CAMSAP1: variants seen among roughly 807,000 people sequenced by gnomAD.
CAMSAP1 encodes calmodulin-regulated spectrin-associated protein 1.
In CAMSAP1, 58 loss-of-function variants were observed where a neutral mutation model predicts 143.5. The observed-to-expected ratio is 0.40, with a 90% CI of 0.33 to 0.50. The LOEUF is 0.50. CAMSAP1 is among the 20% of genes least tolerant of loss of function. CAMSAP1 has a pLI of 0.45. For synonymous variants in CAMSAP1, 945 were observed against 859.3 expected (o/e 1.10, Z -1.74); for missense variants, 1,969 against 2,115.7 (o/e 0.93, Z 1.36).
chr9:135,848,202 T>C (rs1235671486), intron 7 of CAMSAP1, among the ~76,000 whole-genome samples: 1 of 150,834 alleles, frequency 6.6e-6, no homozygotes, highest in African/African-American at 2.4e-5. Flanking sequence ...AGAAGAAGAG[T>C]TGGGAAGGAA....
chr9:135,862,648 T>C (rs1318365038), intron 4 of CAMSAP1, 40 bp from the exon 5 acceptor site: 1 of 1,547,368 alleles, frequency 6.5e-7, no homozygotes, highest in Non-Finnish European at 8.7e-7. Flanking sequence ...GCATGTGATG[T>C]CTCTTCACTA....
intron 14 of CAMSAP1, 114 bp downstream of exon 14, chr9:135,817,863 T>C (rs1438196410): frequency 3.8e-5 from 30 of 790,696 alleles, no homozygotes; most frequent in Non-Finnish European, 5.9e-5. Flanking sequence ...AATGTGAAAT[T>C]ATATCAAAAT....
chr9:135,847,847 G>GA (rs1308795029), intron 7 of CAMSAP1, among the ~76,000 whole-genome samples: 2 of 23,448 alleles, frequency 8.5e-5, no homozygotes, highest in South Asian at 1.5e-3. Flanking sequence ...CAGGGAAGGG[G>GA]AGGGGAGTGG....
intron 14 of CAMSAP1, among the ~76,000 whole-genome samples, chr9:135,816,750 C>G (rs1364349439): frequency 1.3e-5 from 2 of 152,158 alleles, no homozygotes; most frequent in African/African-American, 4.8e-5. Flanking sequence ...AGGAGCCACA[C>G]GCTGTGCATA....
At position 135,881,699 on chromosome 9, in the gene CAMSAP1, T is replaced by C; in HGVS notation, c.519A>G (p.Ser173=). The C allele has an allele frequency of 6.4e-7, 1 of 1,551,798 alleles. No individual in the cohort carries two copies. Among genetic ancestry groups the C allele is most frequent in the Admixed American group, 2.0e-5 (1 of 51,002 alleles). The change falls in exon 3 of 17, where the codon TCA becomes TCG. Residue 173 remains serine (S), a synonymous_variant. Transcript: ENST00000389532. The part of the protein sequence containing the change: ...EKVVASVKRF[S]TFSASKELPY... ...GAAGTTCTTTCGAGGCACTGAACGT[T>C]GAGAAGCGCTTGACACTGGCCACCA...
intron 5 of CAMSAP1, among the ~76,000 whole-genome samples, chr9:135,857,205 C>T (rs1255321366): frequency 1.3e-5 from 2 of 152,236 alleles, no homozygotes; most frequent in East Asian, 3.9e-4. Context: ...GGACATTTTT[C>T]TACATTTTGT....
chr9:135,812,869 C>T (rs751344555), intron 16 of CAMSAP1, among the ~76,000 whole-genome samples: 10 of 151,550 alleles, frequency 6.6e-5, no homozygotes, highest in East Asian at 1.9e-4. Flanking sequence ...CTCAGAGAAT[C>T]GCTTGAGTCT....
Position 135,819,151 on chromosome 9 carries a change from A to G in CAMSAP1, c.3823-5T>C. 6.2e-7 allele frequency: 1 copy of G among 1,600,228 alleles called. No homozygotes were observed. On this transcript the variant is annotated splice_polypyrimidine_tract_variant and splice_region_variant and intron_variant, in intron 11 of 16. Coordinates refer to ENST00000389532, the MANE Select transcript of CAMSAP1 (RefSeq NM_015447.4). The stretch of plus-strand genomic sequence containing the variant: ...ATCTTCCGCTTTCTGTTCATCCTGC[A>G]AGACAGAGGCCACACAGAGCATGAC...
intron 5 of CAMSAP1, among the ~76,000 whole-genome samples, chr9:135,856,542 C>T (rs1306639367): frequency 2.0e-5 from 3 of 152,176 alleles, no homozygotes; most frequent in African/African-American, 7.2e-5. Context: ...AGAGAACACG[C>T]AGCCCCATCC....
chr9:135,868,082 T>C (rs1354232010), intron 3 of CAMSAP1, among the ~76,000 whole-genome samples: 1 of 151,198 alleles, frequency 6.6e-6, no homozygotes, highest in African/African-American at 2.4e-5. Context: ...AAATTTTATA[T>C]CCAGCCGTAT....
At position 135,823,114 on chromosome 9, in the gene CAMSAP1, T is replaced by C. The variant is rs149694552; in HGVS notation, c.1547A>G (p.Gln516Arg). The change falls in exon 11 of 17, where the codon CAG becomes CGG. Residue 516 changes from glutamine to arginine, a missense_variant. This residue lies in a region of CAMSAP1 where 1,390 missense variants were observed against 1,420.8 expected (regional missense o/e 0.98). Transcript: ENST00000389532. The part of the protein sequence containing the change: ...SNIVNLTPQN[Q>R]PHPTATKSHG... ...GCTCTTCGTGGCCGTGGGGTGTGGCTGGTTCTGTGGGGTCAGATTAACAAT... is the reference window on the plus strand; with the variant it reads ...GCTCTTCGTGGCCGTGGGGTGTGGCCGGTTCTGTGGGGTCAGATTAACAAT... 106 of 1,614,012 alleles carry C rather than the reference T, an allele frequency of 6.6e-5. No individual in the cohort carries two copies. The African/African-American group carries it at 1.3e-3, about 19-fold the overall frequency.
At chr9:135,829,456 G>A (rs1214009459) in intron 7 of CAMSAP1, among the ~76,000 whole-genome samples, 1 of 152,176 alleles carries the variant, frequency 6.6e-6, no homozygotes, top group African/African-American at 2.4e-5. Context: ...GTCTGAGGCT[G>A]CAGTGAGCAA....
intron 1 of CAMSAP1, among the ~76,000 whole-genome samples, chr9:135,884,369 T>C (rs1288761198): frequency 6.6e-6 from 1 of 152,184 alleles, no homozygotes; most frequent in Non-Finnish European, 1.5e-5. Flanking sequence ...CTCTCTCTGC[T>C]GCCATCTCTT....
Position 135,824,956 on chromosome 9 carries a change from C to A in CAMSAP1, c.1224-76G>T. On this transcript the variant is annotated intron_variant, in intron 8 of 16. Coordinates refer to ENST00000389532, the MANE Select transcript of CAMSAP1 (RefSeq NM_015447.4). The surrounding 1 kb of genome is among the most constrained non-coding windows in gnomAD (Gnocchi z 4.1). ...GGTCAACAGCAAATGCACAAGTGTA[C>A]AGGACCATCCTGAATTCACACCAAG... The A allele has an allele frequency of 8.9e-7, 1 of 1,123,558 alleles. No homozygotes were observed. Among genetic ancestry groups the A allele is most frequent in the Non-Finnish European group, 1.3e-6 (1 of 789,670 alleles). The allele number at this position is 1,123,558 out of a possible 1,614,324, so 69.6% of individuals were successfully genotyped here. A position where few individuals can be genotyped will look rare whatever the true frequency, so the allele number is the denominator to read the frequency against.
At chr9:135,893,995 G>C (rs766177832) in intron 1 of CAMSAP1, among the ~76,000 whole-genome samples, 2 of 152,044 alleles carry the variant, frequency 1.3e-5, no homozygotes, top group Admixed American at 6.5e-5. Context: ...GTGTTCTTAC[G>C]ACCCCCCACC....
chr9:135,843,340 T>G (rs1005616431), intron 7 of CAMSAP1, among the ~76,000 whole-genome samples: 2 of 151,668 alleles, frequency 1.3e-5, no homozygotes, highest in African/African-American at 4.8e-5. Context: ...AATAAATAAA[T>G]AAAAAGACAG....
chr9:135,879,381 G>A (rs537907937), intron 3 of CAMSAP1, among the ~76,000 whole-genome samples: 1 of 151,898 alleles, frequency 6.6e-6, no homozygotes, highest in South Asian at 2.1e-4. Context: ...ACCAAGCAGG[G>A]GAAAAAGAAA....
At position 135,823,270 on chromosome 9, in the gene CAMSAP1, AG is replaced by A. The variant is rs776481083; in HGVS notation, c.1401-11del. ...TGGCTGGGACGCAGGCCTGAAACAC[AG>A]GGAAGGCCCACTGGGTGCGCTGCGG... On this transcript the variant is annotated splice_polypyrimidine_tract_variant and intron_variant, in intron 10 of 16. Coordinates refer to ENST00000389532, the MANE Select transcript of CAMSAP1 (RefSeq NM_015447.4). 1.4e-5 allele frequency: 21 copies of A among 1,537,998 alleles called. No individual in the cohort carries two copies. The highest frequency in any genetic ancestry group is 1.8e-5 in the Non-Finnish European group (21 of 1,143,034).
At chr9:135,851,175 A>C (rs1304314646) in intron 5 of CAMSAP1, among the ~76,000 whole-genome samples, 1 of 152,258 alleles carries the variant, frequency 6.6e-6, no homozygotes, top group Non-Finnish European at 1.5e-5. Flanking sequence ...TGCGGAGAGC[A>C]CGGTGCAGCT....
Sources: allele counts gnomAD v4.1 joint callset (sites outside exome capture counted in the v4.1 genomes callset), GRCh38; gene constraint gnomAD v4.1.1; regional missense constraint gnomAD v4.1.1; non-coding constraint Gnocchi (gnomAD v3.1); transcripts MANE v1.5; gene names NCBI Gene and HGNC (gene_info 2026-07-23, HGNC 2026-07-21).